CDKAL1: variants seen among roughly 807,000 people sequenced by gnomAD.
The protein encoded by CDKAL1 is threonylcarbamoyladenosine tRNA methylthiotransferase.
Under a neutral mutation model 68.2 loss-of-function variants are expected in CDKAL1, and 32 were observed. The observed-to-expected ratio is 0.47, with a 90% CI of 0.35 to 0.63. The LOEUF (loss-of-function observed/expected upper bound fraction) is 0.63, where lower values mean the gene tolerates loss of function less well. Ranked by LOEUF, CDKAL1 falls within the 30% of genes least tolerant of loss-of-function variation. The pLI, the probability that CDKAL1 is intolerant of heterozygous loss-of-function variation, is 0.00. For missense variants in CDKAL1, 606 were observed against 696.7 expected (o/e 0.87, Z 1.47); for synonymous variants, 234 against 244.3 (o/e 0.96, Z 0.39).
At chr6:20,959,212 A>T (rs1764932012) in intron 10 of CDKAL1, among the ~76,000 whole-genome samples, 1 of 152,180 alleles carries the variant, frequency 6.6e-6, no homozygotes, top group African/African-American at 2.4e-5. Flanking sequence ...GACATCTGCA[A>T]ACTTTATTTT....
At chr6:21,094,644 G>A (rs566760654) in intron 12 of CDKAL1, among the ~76,000 whole-genome samples, 38 of 152,264 alleles carry the variant, frequency 2.5e-4, no homozygotes, top group African/African-American at 8.7e-4. Flanking sequence ...CTAAATTGCC[G>A]AGGAATTTAA....
intron 8 of CDKAL1, among the ~76,000 whole-genome samples, chr6:20,835,395 T>G (rs1777889591): frequency 6.6e-6 from 1 of 152,178 alleles, no homozygotes; most frequent in South Asian, 2.1e-4. Context: ...TGAGTCTTCT[T>G]AGAATTAGGA....
At chr6:20,838,107 C>T (rs1234865149) in intron 8 of CDKAL1, among the ~76,000 whole-genome samples, 2 of 151,732 alleles carry the variant, frequency 1.3e-5, no homozygotes, top group African/African-American at 4.8e-5. Context: ...AATTTTAAAA[C>T]AGTATTTGTT....
intron 9 of CDKAL1, among the ~76,000 whole-genome samples, chr6:20,865,810 A>G (rs2150531310): frequency 6.6e-6 from 1 of 152,286 alleles, no homozygotes; most frequent in East Asian, 1.9e-4. Flanking sequence ...CCATGAAGAT[A>G]CTTTAGGTCT....
intron 8 of CDKAL1, among the ~76,000 whole-genome samples, chr6:20,793,054 G>A (rs1775963788): frequency 1.3e-5 from 2 of 152,076 alleles, no homozygotes; most frequent in African/African-American, 2.4e-5. Context: ...CCAGCAGCAC[G>A]TTCTTTGGTA....
At chr6:21,198,342 C>T (rs757625016) in intron 14 of CDKAL1, among the ~76,000 whole-genome samples, 1 of 152,138 alleles carries the variant, frequency 6.6e-6, no homozygotes. Context: ...TTGACAGGAC[C>T]AGCTTTAGGC....
intron 13 of CDKAL1, among the ~76,000 whole-genome samples, chr6:21,143,425 C>CAAAAAGTTCCTTTTTTGTTAA (rs1776020140): frequency 2.6e-5 from 4 of 152,092 alleles, no homozygotes; most frequent in Admixed American, 2.0e-4. Flanking sequence ...CATTTCATCA[C>CAAAAAGTTCCTTTTTTGTTAA]AAAAGTTCCT....
chr6:21,192,604 G>A (rs1302831878), intron 13 of CDKAL1, among the ~76,000 whole-genome samples: 1 of 152,090 alleles, frequency 6.6e-6, no homozygotes, highest in East Asian at 1.9e-4. Flanking sequence ...CTCTTAAAAG[G>A]CAAAGCTTTG....
chr6:20,995,795 C>A (rs1767075034), intron 10 of CDKAL1, among the ~76,000 whole-genome samples: 2 of 152,138 alleles, frequency 1.3e-5, no homozygotes, highest in African/African-American at 4.8e-5. Flanking sequence ...GAGAGTCAGT[C>A]TTTATGTCCT....
At chr6:20,809,561 T>G (rs1776709416) in intron 8 of CDKAL1, among the ~76,000 whole-genome samples, 1 of 152,198 alleles carries the variant, frequency 6.6e-6, no homozygotes, top group Admixed American at 6.5e-5. Context: ...CTTCCTGGCC[T>G]TAGAGGAGGC....
chr6:21,202,396 T>TAAA (rs113704566), intron 15 of CDKAL1, among the ~76,000 whole-genome samples: 1 of 146,874 alleles, frequency 6.8e-6, no homozygotes, highest in Non-Finnish European at 1.5e-5. Flanking sequence ...TGCTGTTTAT[T>TAAA]AAAAAAAAAA....
At chr6:20,627,220 C>G (rs886232667) in intron 4 of CDKAL1, among the ~76,000 whole-genome samples, 19 of 151,920 alleles carry the variant, frequency 1.3e-4, no homozygotes, top group Admixed American at 3.9e-4. Context: ...CTCTGGTGAC[C>G]TAGAACTAAG....
At position 20,942,070 on chromosome 6, in the gene CDKAL1, G is replaced by A. The variant is rs1370801221; in HGVS notation, c.743-13349G>A. On this transcript the variant is annotated intron_variant, in intron 9 of 15. Transcript: ENST00000274695. The stretch of plus-strand genomic sequence containing the variant: ...ATAAGACAGCTTATGTTTAACACAT[G>A]TAGACTTCATTTGTTGATTTAGCTC... Among the ~76,000 whole-genome samples, 4 of 152,120 alleles carry A rather than the reference G, an allele frequency of 2.6e-5. No homozygotes were observed. The East Asian group carries it at 7.7e-4, about 29-fold the overall frequency.
At chr6:20,801,113 A>G (rs1581606028) in intron 8 of CDKAL1, among the ~76,000 whole-genome samples, 1 of 151,040 alleles carries the variant, frequency 6.6e-6, no homozygotes, top group East Asian at 2.0e-4. Flanking sequence ...TTGTCAAGAC[A>G]GGGCCTTATT....
At chr6:20,987,812 C>T (rs952589167) in intron 10 of CDKAL1, among the ~76,000 whole-genome samples, 2 of 152,062 alleles carry the variant, frequency 1.3e-5, no homozygotes, top group Non-Finnish European at 1.5e-5. Flanking sequence ...CAGGGTCTTA[C>T]TCTGTTGCCC....
chr6:21,165,676 C>G (rs1409678767), intron 13 of CDKAL1, among the ~76,000 whole-genome samples: 1 of 152,198 alleles, frequency 6.6e-6, no homozygotes, highest in African/African-American at 2.4e-5. Context: ...TTCTTTAGCA[C>G]TGACCATGTC....
rs754666757 is a variant in CDKAL1, at chr6:20,546,374, A to C, written c.24A>C (p.Thr8=). 5.0e-6 allele frequency: 8 copies of C among 1,613,424 alleles called. No homozygotes were observed. Among genetic ancestry groups the C allele is most frequent in the Non-Finnish European group, 6.8e-6 (8 of 1,179,680 alleles). Residue 8 remains threonine (T), a synonymous_variant, in exon 3 of 16, where the codon ACA becomes ACC. Coordinates refer to ENST00000274695, the MANE Select transcript of CDKAL1 (RefSeq NM_017774.3). ...ATATGCCTTCTGCATCCTGTGATAC[A>C]CTACTGGATGACATCGAAGATATCG... The part of the protein sequence containing the change: MPSASCD[T]LLDDIEDIVS...
At chr6:20,566,169 T>C (rs945745439) in intron 4 of CDKAL1, among the ~76,000 whole-genome samples, 29 of 152,154 alleles carry the variant, frequency 1.9e-4, no homozygotes, top group African/African-American at 6.8e-4. Context: ...ATAATACTTG[T>C]GATTAAAAGA....
At chr6:20,563,737 CTG>C (rs1764356367) in intron 4 of CDKAL1, among the ~76,000 whole-genome samples, 1 of 151,812 alleles carries the variant, frequency 6.6e-6, no homozygotes, top group Admixed American at 6.6e-5. Flanking sequence ...GTGTAAGCAG[CTG>C]TGTGAATGTA....
Sources: allele counts gnomAD v4.1 joint callset (sites outside exome capture counted in the v4.1 genomes callset), GRCh38; gene constraint gnomAD v4.1.1; transcripts MANE v1.5; gene names NCBI Gene and HGNC (gene_info 2026-07-23, HGNC 2026-07-21).